Variants in KCNQ5 observed in about 807,000 individuals in gnomAD.
KCNQ5 encodes potassium voltage-gated channel subfamily Q member 5.
Under a neutral mutation model 98.2 loss-of-function variants are expected in KCNQ5, and 30 were observed. That is an observed-to-expected ratio of 0.31 (90% CI 0.23 to 0.41). KCNQ5 has a LOEUF of 0.41. Among genes scored for constraint, KCNQ5 ranks in the 10% least tolerant of loss-of-function variants. The probability of loss-of-function intolerance (pLI) is 1.00; values close to 1 mark genes in which losing one functional copy is unlikely to be tolerated. For synonymous variants in KCNQ5, 458 were observed against 449.4 expected (o/e 1.02, Z -0.24); for missense variants, 835 against 1,182.5 (o/e 0.71, Z 4.31).
intron 1 of KCNQ5, among the ~76,000 whole-genome samples, chr6:72,837,886 C>G (rs1440265057): frequency 6.6e-6 from 1 of 151,844 alleles, no homozygotes; most frequent in African/African-American, 2.4e-5. Flanking sequence ...TTGAATTAAT[C>G]TGGCTAAATA....
chr6:72,627,823 C>G (rs949187278), intron 1 of KCNQ5, among the ~76,000 whole-genome samples: 1 of 147,512 alleles, frequency 6.8e-6, no homozygotes, highest in African/African-American at 2.7e-5. Context: ...TGGCTTCTCC[C>G]CACATCTTGC....
At chr6:73,180,042 A>T (rs1778351314) in intron 11 of KCNQ5, among the ~76,000 whole-genome samples, 1 of 152,216 alleles carries the variant, frequency 6.6e-6, no homozygotes, top group African/African-American at 2.4e-5. Context: ...CTCGAGTCCC[A>T]CTCATCAGGC....
intron 3 of KCNQ5, among the ~76,000 whole-genome samples, chr6:73,063,651 A>T (rs911790498): frequency 7.0e-6 from 1 of 142,596 alleles, no homozygotes; most frequent in Non-Finnish European, 1.5e-5. Context: ...ATACAGATAG[A>T]TGATAGATAG....
At chr6:72,919,414 G>C (rs1412809780) in intron 1 of KCNQ5, among the ~76,000 whole-genome samples, 1 of 152,196 alleles carries the variant, frequency 6.6e-6, no homozygotes, top group Non-Finnish European at 1.5e-5. Flanking sequence ...GTGGTTGAGT[G>C]CTAACAACAA....
chr6:72,692,533 T>C (rs1768263867), intron 1 of KCNQ5, among the ~76,000 whole-genome samples: 2 of 152,240 alleles, frequency 1.3e-5, no homozygotes, highest in Admixed American at 6.5e-5. Context: ...AGTGGGTTTT[T>C]TAATATGAGA....
chr6:72,834,672 T>C (rs1432210783), intron 1 of KCNQ5, among the ~76,000 whole-genome samples: 1 of 152,202 alleles, frequency 6.6e-6, no homozygotes, highest in Non-Finnish European at 1.5e-5. Context: ...CAAGACTCTG[T>C]TGGCCTTCCT....
At chr6:72,897,798 G>A (rs1489115294) in intron 1 of KCNQ5, among the ~76,000 whole-genome samples, 1 of 152,126 alleles carries the variant, frequency 6.6e-6, no homozygotes. Flanking sequence ...TGTTGGGGAT[G>A]GGGGCCAGTG....
At chr6:73,178,158 C>A (rs1778283786) in intron 11 of KCNQ5, among the ~76,000 whole-genome samples, 1 of 151,478 alleles carries the variant, frequency 6.6e-6, no homozygotes. Flanking sequence ...ATTTTACACT[C>A]CTAGGAACAC....
intron 1 of KCNQ5, among the ~76,000 whole-genome samples, chr6:72,954,678 G>A (rs1766961119): frequency 6.6e-6 from 1 of 152,118 alleles, no homozygotes; most frequent in African/African-American, 2.4e-5. Context: ...AGGAATTTAA[G>A]TTGAAAGCAT....
intron 11 of KCNQ5, among the ~76,000 whole-genome samples, chr6:73,181,201 T>A (rs1175607422): frequency 6.6e-6 from 1 of 152,212 alleles, no homozygotes; most frequent in Admixed American, 6.5e-5. Context: ...TTGTGATGAA[T>A]CTTTTACACC....
chr6:73,171,651 G>A (rs888909866), intron 11 of KCNQ5, among the ~76,000 whole-genome samples: 1 of 152,224 alleles, frequency 6.6e-6, no homozygotes, highest in Non-Finnish European at 1.5e-5. Context: ...CAGGTGGCCA[G>A]TGGCTACTTC....
chr6:72,832,056 G>T (rs1357767098), intron 1 of KCNQ5, among the ~76,000 whole-genome samples: 3 of 152,126 alleles, frequency 2.0e-5, no homozygotes, highest in Admixed American at 1.3e-4. Context: ...GGTGATAAAA[G>T]TTGTCCACAG....
rs565711833 is a variant in KCNQ5 at position 72,697,947 on chromosome 6, G to A, written c.398+75360G>A. Among the ~76,000 whole-genome samples the A allele has an allele frequency of 9.2e-5, 14 of 152,280 alleles. No individual in the cohort carries two copies. In the South Asian group the frequency reaches 2.9e-3, roughly 32 times the overall value. ...TCAAAGTGTATCAACTGGGGACGGT[G>A]GCTCATGCCTGTAATCCCAGTACTT... On this transcript the variant is annotated intron_variant, in intron 1 of 13. Transcript: ENST00000370398.
At chr6:72,694,642 A>AG (rs1768390148) in intron 1 of KCNQ5, among the ~76,000 whole-genome samples, 1 of 152,216 alleles carries the variant, frequency 6.6e-6, no homozygotes, top group Non-Finnish European at 1.5e-5. Context: ...TGAGGACCCA[A>AG]GGTAAGAATA....
chr6:72,757,876 T>C (rs2154476871), intron 1 of KCNQ5, among the ~76,000 whole-genome samples: 1 of 152,218 alleles, frequency 6.6e-6, no homozygotes, highest in African/African-American at 2.4e-5. Context: ...ACAAAACATA[T>C]CAATGAGCTC....
At chr6:72,738,262 T>C (rs1019584924) in intron 1 of KCNQ5, among the ~76,000 whole-genome samples, 69 of 152,166 alleles carry the variant, frequency 4.5e-4, no homozygotes, top group Non-Finnish European at 4.9e-4. Flanking sequence ...ATGTTGACTT[T>C]CCACGTTTCT....
intron 1 of KCNQ5, among the ~76,000 whole-genome samples, chr6:72,817,960 G>A (rs1479556358): frequency 1.3e-5 from 2 of 152,000 alleles, no homozygotes; most frequent in African/African-American, 2.4e-5. Context: ...GGACCAAGGT[G>A]TCCAAGAGCC....
chr6:73,113,358 C>T (rs898930874), intron 7 of KCNQ5, among the ~76,000 whole-genome samples: 10 of 152,224 alleles, frequency 6.6e-5, no homozygotes, highest in African/African-American at 2.4e-4. Flanking sequence ...CACAATAAAA[C>T]CTCTTGGAAT....
At chr6:73,020,006 T>C (rs1770516688) in intron 2 of KCNQ5, among the ~76,000 whole-genome samples, 1 of 152,138 alleles carries the variant, frequency 6.6e-6, no homozygotes, top group South Asian at 2.1e-4. Flanking sequence ...AAAAACAAAG[T>C]CTTTTATCTG....
Sources: gnomAD v4.1 joint callset for allele counts (sites outside exome capture counted in the v4.1 genomes callset) on GRCh38, gnomAD v4.1.1 for gene constraint, MANE v1.5 for transcripts, NCBI Gene and HGNC (gene_info 2026-07-23, HGNC 2026-07-21) for gene names.